The following MYT1L variants were observed in gnomAD, a reference collection of about 807,000 sequenced individuals.
MYT1L encodes myelin transcription factor 1-like protein.
MYT1L carries 12 observed loss-of-function variants against 126.7 expected under a neutral mutation model. The ratio of observed to expected loss-of-function variants is 0.09; its 90% confidence interval spans 0.06 to 0.15. MYT1L has a LOEUF of 0.15. MYT1L is among the 10% of genes least tolerant of loss of function. The pLI is 1.00. For synonymous variants in MYT1L, 541 were observed against 604.2 expected (o/e 0.90, Z 1.53); for missense variants, 979 against 1,585.2 (o/e 0.62, Z 6.49).
At chr2:2,279,568 TGAAGGAAG>T (rs199817306) in intron 2 of MYT1L, among the ~76,000 whole-genome samples, 4,944 of 145,038 alleles carry the variant, frequency 0.034, 332 homozygotes, top group East Asian at 0.26. Context: ...AATGAATGAA[TGAAGGAAG>T]GAAGGAAGGA....
chr2:1,925,639 C>T (rs1169702940), intron 9 of MYT1L, among the ~76,000 whole-genome samples: 1 of 152,194 alleles, frequency 6.6e-6, no homozygotes, highest in Admixed American at 6.5e-5. Context: ...TGAGAGCAGC[C>T]AAGGAGAAAG....
At chr2:2,068,766 C>CTTTTTTTT (rs1370285207) in intron 3 of MYT1L, among the ~76,000 whole-genome samples, 5 of 5,846 alleles carry the variant, frequency 8.6e-4, no homozygotes, top group South Asian at 7.0e-3. Flanking sequence ...CTGTGTTCTT[C>CTTTTTTTT]TTGTTTTTTT....
intron 3 of MYT1L, among the ~76,000 whole-genome samples, chr2:2,156,216 T>C (rs1348179070): frequency 6.6e-6 from 1 of 152,212 alleles, no homozygotes; most frequent in African/African-American, 2.4e-5. Flanking sequence ...GGAGGCTGAA[T>C]TAGAGCTCAT....
intron 2 of MYT1L, among the ~76,000 whole-genome samples, chr2:2,236,803 TTCTTCTTCTTC>T (rs1271300905): frequency 0.024 from 480 of 20,332 alleles, 9 homozygotes; most frequent in Non-Finnish European, 0.024. Flanking sequence ...CTTCTTCTTC[TTCTTCTTCTTC>T]TTTTTTTTTT....
chr2:2,323,418 G>A (rs1467100755), intron 1 of MYT1L, among the ~76,000 whole-genome samples: 1 of 152,112 alleles, frequency 6.6e-6, no homozygotes, highest in East Asian at 1.9e-4. Flanking sequence ...TTCTACTTGA[G>A]TTCTACCTAA....
intron 3 of MYT1L, among the ~76,000 whole-genome samples, chr2:2,075,965 A>G (rs904226063): frequency 6.6e-6 from 1 of 152,258 alleles, no homozygotes; most frequent in African/African-American, 2.4e-5. Flanking sequence ...TTCCATTAAA[A>G]GCACTGTCCT....
At chr2:2,278,524 C>A (rs977100870) in intron 2 of MYT1L, among the ~76,000 whole-genome samples, 8 of 152,178 alleles carry the variant, frequency 5.3e-5, no homozygotes, top group Non-Finnish European at 4.4e-5. Context: ...CTTATCTAGA[C>A]CTCCATTTGA....
rs544600551 is a variant in MYT1L at position 1,979,433 on chromosome 2, G to A, written c.89+88C>T. ...TGCAGCAGGGCGTGAGCAAGCTGCC[G>A]ATGAGCTGGAAGGTGCAGTGTGCCC... On this transcript the variant is annotated intron_variant, in intron 7 of 24. Transcript: ENST00000647738. The surrounding 1 kb of genome is among the most constrained non-coding windows in gnomAD (Gnocchi z 4.0). 1.1e-4 allele frequency: 146 copies of A among 1,339,742 alleles called. No individual in the cohort carries two copies. The highest frequency in any genetic ancestry group is 4.6e-4 in the African/African-American group (32 of 69,540). The allele number at this position is 1,339,742 out of a possible 1,614,324, so 83.0% of individuals were successfully genotyped here.
intron 3 of MYT1L, among the ~76,000 whole-genome samples, chr2:2,163,106 G>A (rs530127795): frequency 6.6e-6 from 1 of 152,260 alleles, no homozygotes; most frequent in African/African-American, 2.4e-5. Flanking sequence ...ACTCCACCTA[G>A]TACACCTGCT....
chr2:2,260,967 G>A (rs1559485782), intron 2 of MYT1L, among the ~76,000 whole-genome samples: 2 of 152,192 alleles, frequency 1.3e-5, no homozygotes, highest in African/African-American at 4.8e-5. Flanking sequence ...ACTCTCAGGA[G>A]CCTGTCCTTG....
intron 5 of MYT1L, among the ~76,000 whole-genome samples, chr2:1,984,993 C>G (rs1203191969): frequency 2.0e-5 from 3 of 152,242 alleles, no homozygotes; most frequent in African/African-American, 7.2e-5. Flanking sequence ...TCTCTAGCCA[C>G]AGGGACCTGC....
chr2:2,274,923 G>A (rs989047057), intron 2 of MYT1L, among the ~76,000 whole-genome samples: 10 of 152,160 alleles, frequency 6.6e-5, no homozygotes, highest in Non-Finnish European at 4.4e-5. Flanking sequence ...AGAGCTGTGA[G>A]GCTCAGCAAA....
chr2:2,116,897 C>T (rs988890497), intron 3 of MYT1L, among the ~76,000 whole-genome samples: 8 of 152,226 alleles, frequency 5.3e-5, no homozygotes, highest in Admixed American at 2.0e-4. Flanking sequence ...GGGCATCAGC[C>T]CAGCAGTTGT....
At chr2:2,298,828 G>A (rs920062490) in intron 1 of MYT1L, among the ~76,000 whole-genome samples, 5 of 152,056 alleles carry the variant, frequency 3.3e-5, no homozygotes, top group African/African-American at 4.8e-5. Context: ...CTCTCTCCAC[G>A]GTAACTCTGT....
At chr2:1,931,490 T>C (rs1486526380) in intron 9 of MYT1L, among the ~76,000 whole-genome samples, 3 of 151,506 alleles carry the variant, frequency 2.0e-5, no homozygotes, top group East Asian at 2.0e-4. Flanking sequence ...CCACGTCTGC[T>C]GCGCCTTCCA....
chr2:1,799,515 G>A (rs1018144252), intron 23 of MYT1L, among the ~76,000 whole-genome samples: 2 of 152,196 alleles, frequency 1.3e-5, no homozygotes, highest in Non-Finnish European at 2.9e-5. Context: ...GGCCTTCACT[G>A]CAGAAGGAGG....
rs755889457 is a variant in MYT1L, at chr2:2,315,969, TAGAGA to T, written c.-521+14993_-521+14997del. Among the ~76,000 whole-genome samples, 8 of 152,336 alleles carry T rather than the reference TAGAGA, an allele frequency of 5.3e-5. No homozygotes were observed. The South Asian group carries it at 1.2e-3, about 24-fold the overall frequency. On this transcript the variant is annotated intron_variant, in intron 1 of 24. Coordinates refer to ENST00000647738, the MANE Select transcript of MYT1L (RefSeq NM_001303052.2). The stretch of plus-strand genomic sequence containing the variant: ...CATATGAGAAGCATTTCCCAATACT[TAGAGA>T]AAAGTTCCACATGTAGAAATTTGCA...
intron 3 of MYT1L, among the ~76,000 whole-genome samples, chr2:2,162,402 G>A (rs1018978217): frequency 6.6e-6 from 1 of 152,120 alleles, no homozygotes; most frequent in South Asian, 2.1e-4. Context: ...CAGAGAAGGA[G>A]GTCGGGCAGG....
chr2:1,930,212 C>T (rs1008018171), intron 9 of MYT1L, among the ~76,000 whole-genome samples: 11 of 152,192 alleles, frequency 7.2e-5, no homozygotes, highest in Admixed American at 5.2e-4. Flanking sequence ...TGACACATTC[C>T]AGATCTCTTC....
Sources: allele counts gnomAD v4.1 joint callset (sites outside exome capture counted in the v4.1 genomes callset), GRCh38; gene constraint gnomAD v4.1.1; non-coding constraint Gnocchi (gnomAD v3.1); transcripts MANE v1.5; gene names NCBI Gene and HGNC (gene_info 2026-07-23, HGNC 2026-07-21).